Variants in SOX6 observed in about 807,000 individuals in gnomAD.
SOX6 encodes SRY-box transcription factor 6, also known as transcription factor SOX-6.
SOX6 carries 11 observed loss-of-function variants against 97.8 expected under a neutral mutation model. That is an observed-to-expected ratio of 0.11 (90% CI 0.07 to 0.19). The LOEUF (loss-of-function observed/expected upper bound fraction) is 0.19. Ranked by LOEUF, SOX6 falls within the 10% of genes least tolerant of loss-of-function variation. The probability of loss-of-function intolerance (pLI) is 1.00; values close to 1 mark genes in which losing one functional copy is unlikely to be tolerated. For synonymous variants in SOX6, 360 were observed against 371.4 expected (o/e 0.97, Z 0.35); for missense variants, 810 against 1,039.5 (o/e 0.78, Z 3.04).
chr11:16,008,303 G>A (rs757465705), intron 13 of SOX6, among the ~76,000 whole-genome samples: 2 of 151,976 alleles, frequency 1.3e-5, no homozygotes, highest in African/African-American at 2.4e-5. Context: ...AGATACAGAC[G>A]GCAGACTATA....
chr11:16,099,277 T>C (rs868622925), intron 7 of SOX6, among the ~76,000 whole-genome samples: 6 of 151,922 alleles, frequency 3.9e-5, no homozygotes, highest in Non-Finnish European at 5.9e-5. Context: ...TTATTTTTTA[T>C]AGTAAATGAC....
chr11:16,727,620 T>C (rs1025326159), intron 2 of SOX6, among the ~76,000 whole-genome samples: 3 of 151,396 alleles, frequency 2.0e-5, no homozygotes, highest in African/African-American at 7.3e-5. Flanking sequence ...GTATTTTTAG[T>C]AGAGATGGGG....
chr11:16,597,336 G>A (rs993525045), intron 4 of SOX6, among the ~76,000 whole-genome samples: 7 of 150,848 alleles, frequency 4.6e-5, no homozygotes, highest in Non-Finnish European at 8.9e-5. Flanking sequence ...GTATATGTGT[G>A]TGTGTATATA....
intron 1 of SOX6, among the ~76,000 whole-genome samples, chr11:16,470,725 A>C (rs915431543): frequency 6.6e-6 from 1 of 152,154 alleles, no homozygotes; most frequent in East Asian, 1.9e-4. Flanking sequence ...GGTGTTGTGA[A>C]AGGAGCACTA....
At chr11:16,144,807 T>G (rs184806639) in intron 6 of SOX6, among the ~76,000 whole-genome samples, 1 of 152,262 alleles carries the variant, frequency 6.6e-6, no homozygotes, top group African/African-American at 2.4e-5. Flanking sequence ...CCAGAAGAAG[T>G]TGAATCCCTG....
intron 9 of SOX6, among the ~76,000 whole-genome samples, chr11:16,081,720 C>T (rs1848476181): frequency 6.6e-6 from 1 of 152,138 alleles, no homozygotes; most frequent in South Asian, 2.1e-4. Context: ...CAAGATGAAT[C>T]ATAAGACAAA....
chr11:16,706,471 AATATATATATATATATAT>A (rs1157835806), intron 3 of SOX6, among the ~76,000 whole-genome samples: 83 of 22,202 alleles, frequency 3.7e-3, no homozygotes, highest in African/African-American at 0.014. Flanking sequence ...AAAAAAAAAA[AATATATATATATATATAT>A]ATATATATAT....
intron 6 of SOX6, among the ~76,000 whole-genome samples, chr11:16,139,199 C>T (rs1850061158): frequency 6.6e-6 from 1 of 152,066 alleles, no homozygotes; most frequent in Admixed American, 6.6e-5. Context: ...TCGTGTTACA[C>T]TTTTTTTCTA....
At chr11:16,664,616 G>A (rs1056850311) in intron 3 of SOX6, among the ~76,000 whole-genome samples, 2 of 152,112 alleles carry the variant, frequency 1.3e-5, no homozygotes, top group Admixed American at 6.5e-5. Context: ...AGGCAGTCTA[G>A]GCCACAAAGA....
chr11:16,652,667 A>T (rs1847670252), intron 3 of SOX6, among the ~76,000 whole-genome samples: 1 of 152,224 alleles, frequency 6.6e-6, no homozygotes, highest in Non-Finnish European at 1.5e-5. Flanking sequence ...ATTCTAGAAG[A>T]TAACATTGGT....
At chr11:16,305,433 G>C (rs1262225113) in intron 3 of SOX6, among the ~76,000 whole-genome samples, 3 of 152,194 alleles carry the variant, frequency 2.0e-5, no homozygotes, top group Non-Finnish European at 4.4e-5. Context: ...ATGCAGAGAT[G>C]CTGGATCACT....
intron 11 of SOX6, among the ~76,000 whole-genome samples, chr11:16,048,429 C>T (rs1185437484): frequency 6.6e-6 from 1 of 152,120 alleles, no homozygotes; most frequent in Admixed American, 6.6e-5. Flanking sequence ...AGACTCAGCA[C>T]AATTTAGCAA....
At chr11:16,400,794 C>T (rs1398835553) in intron 1 of SOX6, among the ~76,000 whole-genome samples, 5 of 151,330 alleles carry the variant, frequency 3.3e-5, no homozygotes, top group Non-Finnish European at 5.9e-5. Flanking sequence ...AGATAAAAGA[C>T]TTGTATGAAA....
intron 1 of SOX6, among the ~76,000 whole-genome samples, chr11:16,464,646 A>G (rs1202586286): frequency 6.6e-6 from 1 of 152,200 alleles, no homozygotes; most frequent in South Asian, 2.1e-4. Context: ...GATCTATCAG[A>G]TATAAAGATG....
intron 4 of SOX6, among the ~76,000 whole-genome samples, chr11:16,231,939 A>C (rs1356154934): frequency 6.6e-6 from 1 of 151,880 alleles, no homozygotes; most frequent in East Asian, 1.9e-4. Context: ...TGCATAATTT[A>C]AAATGGAAAG....
At chr11:16,542,669 A>G (rs1289644496) in intron 4 of SOX6, among the ~76,000 whole-genome samples, 2 of 152,168 alleles carry the variant, frequency 1.3e-5, no homozygotes, top group African/African-American at 2.4e-5. Context: ...TGAATTATTA[A>G]TTAAACAGAA....
At chr11:16,218,217 C>CT (rs201519335) in intron 4 of SOX6, among the ~76,000 whole-genome samples, 9,063 of 151,912 alleles carry the variant, frequency 0.06, 300 homozygotes, top group Non-Finnish European at 0.081. Flanking sequence ...GAAAGGGCCA[C>CT]TTTTTTTTAC....
At chr11:16,191,710 C>A (rs891955504) in intron 4 of SOX6, among the ~76,000 whole-genome samples, 2 of 152,072 alleles carry the variant, frequency 1.3e-5, no homozygotes, top group Non-Finnish European at 2.9e-5. Flanking sequence ...AAAAAGGGAA[C>A]CAGCAAAAAC....
intron 7 of SOX6, among the ~76,000 whole-genome samples, chr11:16,102,702 A>G (rs1372761257): frequency 6.6e-6 from 1 of 152,106 alleles, no homozygotes; most frequent in African/African-American, 2.4e-5. Flanking sequence ...AGAACAGAAT[A>G]GAGAACCCAG....
Sources: allele counts gnomAD v4.1 joint callset (sites outside exome capture counted in the v4.1 genomes callset), GRCh38; gene constraint gnomAD v4.1.1; transcripts MANE v1.5; gene names NCBI Gene and HGNC (gene_info 2026-07-23, HGNC 2026-07-21).